Variants in NUP153 observed in about 807,000 individuals in gnomAD.
NUP153 encodes the protein nuclear pore complex protein Nup153.
Under a neutral mutation model 134.6 loss-of-function variants are expected in NUP153, and 27 were observed. The ratio of observed to expected loss-of-function variants is 0.20; its 90% CI spans 0.15 to 0.28. The LOEUF is 0.28. NUP153 is among the 10% of genes least tolerant of loss of function. The pLI, the probability that NUP153 is intolerant of heterozygous loss-of-function variation, is 1.00. For missense variants in NUP153, 1,821 were observed against 1,731.3 expected, an observed-to-expected ratio of 1.05 and a Z score of -0.92; for synonymous variants, 640 against 623.5, an observed-to-expected ratio of 1.03 and a Z score of -0.40.
chr6:17,634,916 G>C (rs1426983230), intron 16 of NUP153, among the ~76,000 whole-genome samples: 1 of 151,542 alleles, frequency 6.6e-6, no homozygotes, highest in Non-Finnish European at 1.5e-5. Context: ...GAATTGTCTT[G>C]GACCACAAGT....
intron 2 of NUP153, among the ~76,000 whole-genome samples, chr6:17,677,199 C>G (rs1768270952): frequency 6.6e-6 from 1 of 152,128 alleles, no homozygotes; most frequent in Non-Finnish European, 1.5e-5. Context: ...AGGAAACACC[C>G]TGGACTTGTC....
intron 8 of NUP153, among the ~76,000 whole-genome samples, chr6:17,668,171 G>A (rs1767664704): frequency 6.8e-6 from 1 of 148,118 alleles, no homozygotes; most frequent in Non-Finnish European, 1.5e-5. Flanking sequence ...CGCCTCCCGG[G>A]TTCAAGTGAT....
chr6:17,704,545 A>T lies in NUP153; in HGVS notation c.111+1732T>A, dbSNP rs193169320. On this transcript the variant is annotated intron_variant, in intron 1 of 21. Coordinates refer to ENST00000262077, the MANE Select transcript of NUP153 (RefSeq NM_005124.4). ...ATTCTAATCTTAAATCTGCTCGCAA[A>T]TACCCCTTTTCTTCACAAATTTGAA... is the stretch of plus-strand genomic sequence containing the variant. Among the ~76,000 whole-genome samples the T allele has an allele frequency of 7.4e-3, 1,124 of 152,230 alleles. 7 individuals carry two copies. The highest frequency in any genetic ancestry group is 0.011 in the Non-Finnish European group (758 of 67,998).
intron 1 of NUP153, among the ~76,000 whole-genome samples, chr6:17,690,134 C>T (rs371024688): frequency 1.3e-5 from 2 of 150,438 alleles, no homozygotes; most frequent in African/African-American, 2.4e-5. Context: ...AAGTGGATCA[C>T]GAGGTCAGGA....
intron 16 of NUP153, 142 bp downstream of exon 16, chr6:17,637,011 T>C (rs1199811315): frequency 1.2e-6 from 1 of 818,938 alleles, no homozygotes; most frequent in Non-Finnish European, 1.9e-6. Flanking sequence ...AAACAAGACA[T>C]TTTTACCTCA....
In NUP153 at chr6:17,626,113, C is replaced by A. The variant is rs760054409; in HGVS notation, c.3596G>T (p.Ser1199Ile). 6.2e-7 allele frequency: 1 copy of A among 1,613,550 alleles called. No homozygotes were observed. The highest frequency in any genetic ancestry group is 1.8e-4 in the Middle Eastern group (1 of 5,546). The part of the protein sequence containing the change: ...VFSFLNNSSS[S>I]SSTPATSAGG... ...AGCAGAAGTGGCTGGTGTACTTGAA[C>A]TAGAGGAACTGTTGTTCAAGAAACT... is the stretch of plus-strand genomic sequence containing the variant. The change falls in exon 19 of 22, where the codon AGT (serine) becomes ATT (isoleucine). Residue 1199 changes from serine (S) to isoleucine (I), a missense_variant. Transcript: ENST00000262077.
At chr6:17,624,045 G>A (rs562681951) in intron 20 of NUP153, among the ~76,000 whole-genome samples, 1 of 151,816 alleles carries the variant, frequency 6.6e-6, no homozygotes, top group Admixed American at 6.6e-5. Flanking sequence ...TTCACAATTA[G>A]AAAAAAATCA....
At chr6:17,661,811 A>AT in intron 10 of NUP153, 32 bp from the exon 11 acceptor site, 1 of 1,601,736 alleles carries the variant, frequency 6.2e-7, no homozygotes, top group Non-Finnish European at 8.5e-7. Flanking sequence ...AAAACAACTG[A>AT]TATATTATTG....
chr6:17,647,018 A>C (rs1766232909), intron 13 of NUP153, among the ~76,000 whole-genome samples: 1 of 151,386 alleles, frequency 6.6e-6, no homozygotes, highest in Non-Finnish European at 1.5e-5. Context: ...CGGCCTCCCA[A>C]AGTGCTGGGA....
At chr6:17,669,853 G>C (rs78741611) in intron 5 of NUP153, among the ~76,000 whole-genome samples, 2 of 152,048 alleles carry the variant, frequency 1.3e-5, no homozygotes, top group African/African-American at 4.8e-5. Context: ...CAGCACTTTG[G>C]GAGGTGTGAG....
chr6:17,653,920 T>G (rs1339519785), intron 11 of NUP153, among the ~76,000 whole-genome samples: 1 of 152,226 alleles, frequency 6.6e-6, no homozygotes, highest in Non-Finnish European at 1.5e-5. Context: ...CAACAAATAT[T>G]TAACTCTACT....
In NUP153 at chr6:17,637,686, C is replaced by G. The variant is rs192001496; in HGVS notation, c.1931G>C (p.Ser644Thr). The G allele has an allele frequency of 6.2e-7, 1 of 1,611,990 alleles. No individual in the cohort carries two copies. Among genetic ancestry groups the G allele is most frequent in the East Asian group, 2.2e-5 (1 of 44,872 alleles). The change falls in exon 16 of 22, where the codon AGC becomes ACC. Residue 644 changes from serine to threonine, a missense_variant. Transcript: ENST00000262077. ...AAACCCAATTCCACTAGAAGAAAAGCTACTTATTGCTGGTCTTGTATAAAC... is the reference window on the plus strand; with the variant it reads ...AAACCCAATTCCACTAGAAGAAAAGGTACTTATTGCTGGTCTTGTATAAAC... Reference protein sequence around the residue: ...PVVYTRPAISSFSSSGIGFGE... With the variant: ...PVVYTRPAISTFSSSGIGFGE...
At chr6:17,626,268 G>T in intron 18 of NUP153, 104 bp from the exon 19 acceptor site, 1 of 786,196 alleles carries the variant, frequency 1.3e-6, no homozygotes, top group Non-Finnish European at 2.1e-6. Flanking sequence ...CCTAGAATTC[G>T]CTAGAAAATA....
chr6:17,646,359 C>T (rs1486120555), intron 13 of NUP153, among the ~76,000 whole-genome samples: 1 of 152,104 alleles, frequency 6.6e-6, no homozygotes, highest in African/African-American at 2.4e-5. Context: ...AGGAACTCGC[C>T]ACCACACCCG....
chr6:17,673,510 T>G lies in NUP153; in HGVS notation c.852+1395A>C, dbSNP rs1421220511. Among the ~76,000 whole-genome samples, 3 of 152,222 alleles carry G rather than the reference T, an allele frequency of 2.0e-5. No homozygotes were observed. In the East Asian group the frequency reaches 5.8e-4, roughly 29 times the overall value. On this transcript the variant is annotated intron_variant, in intron 5 of 21. Coordinates refer to ENST00000262077, the MANE Select transcript of NUP153 (RefSeq NM_005124.4). ...ATAAGAAAATAACCCAATTTTTAAA[T>G]GGGTGGAAGATTTGAACAGACACTT... is the stretch of plus-strand genomic sequence containing the variant.
intron 11 of NUP153, chr6:17,651,817 G>A: frequency 3.4e-6 from 2 of 586,918 alleles, no homozygotes; most frequent in Non-Finnish European, 6.5e-6. Flanking sequence ...ATTGAGGTTA[G>A]GCATGGTAGC....
Position 17,629,044 on chromosome 6 carries a change from G to A in NUP153, c.3155C>T (p.Thr1052Ile). ...CACTGAAGCACTCTTGGTTTCTATGGTTCCAAGGTTGAAGCTGCTCTTGTT... is the reference window on the plus strand; with the variant it reads ...CACTGAAGCACTCTTGGTTTCTATGATTCCAAGGTTGAAGCTGCTCTTGTT... ...SENKSSFNLG[T>I]IETKSASVAP... Residue 1052 changes from threonine to isoleucine, a missense_variant, in exon 18 of 22, where the codon ACC (threonine) becomes ATC (isoleucine). Thr to Ile is a moderately conservative substitution (Grantham distance 89). Transcript: ENST00000262077. 1 of 1,614,162 alleles carries A rather than the reference G, an allele frequency of 6.2e-7. No individual in the cohort carries two copies. The highest frequency in any genetic ancestry group is 8.5e-7 in the Non-Finnish European group (1 of 1,180,032).
intron 8 of NUP153, among the ~76,000 whole-genome samples, chr6:17,668,315 A>G (rs138736948): frequency 0.21 from 32,343 of 151,644 alleles, 4,008 homozygotes; most frequent in Non-Finnish European, 0.27. Context: ...CCTGACCTCA[A>G]GTGATCCACT....
intron 9 of NUP153, among the ~76,000 whole-genome samples, chr6:17,664,817 C>T (rs1184386811): frequency 6.6e-6 from 1 of 152,022 alleles, no homozygotes; most frequent in East Asian, 1.9e-4. Context: ...CTTTGGGAGG[C>T]CAAGGCAGGT....
Sources: gnomAD v4.1 joint callset for allele counts (sites outside exome capture counted in the v4.1 genomes callset) on GRCh38, gnomAD v4.1.1 for gene constraint, MANE v1.5 for transcripts, NCBI Gene and HGNC (gene_info 2026-07-23, HGNC 2026-07-21) for gene names.